Variants in NEDD4 observed in about 807,000 individuals in gnomAD.
NEDD4 encodes NEDD4 E3 ubiquitin protein ligase.
NEDD4 carries 99 observed loss-of-function variants against 144.9 expected under a neutral mutation model. The observed-to-expected ratio is 0.68, with a 90% CI of 0.58 to 0.81. NEDD4 has a LOEUF of 0.81. Ranked by LOEUF, NEDD4 falls within the 30% of genes least tolerant of loss-of-function variation. The probability of loss-of-function intolerance (pLI) is 0.00; values close to 1 mark genes in which losing one functional copy is unlikely to be tolerated. For missense variants in NEDD4, 985 were observed against 1,065.9 expected (o/e 0.92, Z 1.06); for synonymous variants, 318 against 350.6 (o/e 0.91, Z 1.04).
Position 55,946,128 on chromosome 15 carries a change from T to A in NEDD4, c.237+5248A>T, listed in dbSNP as rs565654942. ...GCAAAATAACCAGTGAACATCATAA[T>A]TACAGGATCAAATTCACACATAACA... On this transcript the variant is annotated intron_variant, in intron 4 of 28. Coordinates refer to ENST00000435532, the MANE Select transcript of NEDD4 (RefSeq NM_006154.4). Among the ~76,000 whole-genome samples the A allele has an allele frequency of 2.6e-4, 40 of 152,260 alleles. No individual in the cohort carries two copies. The East Asian group carries it at 7.3e-3, about 28-fold the overall frequency.
rs1566901226 is a variant in NEDD4, at chr15:55,840,024, AT to A, written c.2031+422del. Among the ~76,000 whole-genome samples the A allele has an allele frequency of 5.2e-3, 441 of 84,410 alleles. 15 individuals are homozygous for A. The highest frequency in any genetic ancestry group is 0.015 in the Middle Eastern group (2 of 132). The allele number at this position is 84,410 out of a possible 152,430, so 55.4% of individuals were successfully genotyped here. ...AATATATATATATATATATATATAT[AT>A]ATATATATATATATATAACATTCAT... On this transcript the variant is annotated intron_variant, in intron 21 of 28. Transcript: ENST00000435532.
intron 2 of NEDD4, among the ~76,000 whole-genome samples, chr15:55,961,465 G>GTATTATTATTAT (rs58665877): frequency 0.13 from 18,875 of 150,692 alleles, 1,322 homozygotes; most frequent in East Asian, 0.3. Flanking sequence ...TAAGTTTGTG[G>GTATTATTATTAT]TATTATTATT....
intron 5 of NEDD4, among the ~76,000 whole-genome samples, chr15:55,876,867 TTC>T (rs1257968228): frequency 6.6e-6 from 1 of 152,062 alleles, no homozygotes; most frequent in South Asian, 2.1e-4. Flanking sequence ...CACTTTTTTT[TTC>T]TTTTTTCTTT....
At chr15:55,908,888 G>A (rs2036184056) in intron 5 of NEDD4, among the ~76,000 whole-genome samples, 1 of 151,968 alleles carries the variant, frequency 6.6e-6, no homozygotes, top group African/African-American at 2.4e-5. Flanking sequence ...AAACAATTGA[G>A]ATAAAAAGTA....
At chr15:55,914,200 G>GTTTT (rs71110354) in intron 5 of NEDD4, among the ~76,000 whole-genome samples, 54 of 148,220 alleles carry the variant, frequency 3.6e-4, no homozygotes, top group Non-Finnish European at 4.4e-4. Flanking sequence ...TTATCCAGAA[G>GTTTT]TTTTTTTTTT....
intron 5 of NEDD4, among the ~76,000 whole-genome samples, chr15:55,911,674 C>T (rs1027005237): frequency 2.0e-5 from 3 of 151,922 alleles, no homozygotes; most frequent in South Asian, 2.1e-4. Context: ...GGACTACAGG[C>T]GCGCGCCACC....
chr15:55,953,419 C>T (rs1414180167), intron 2 of NEDD4, among the ~76,000 whole-genome samples: 1 of 151,802 alleles, frequency 6.6e-6, no homozygotes, highest in Non-Finnish European at 1.5e-5. Context: ...CTCCAGAGGC[C>T]ATACTCTTCT....
chr15:55,846,422 T>G (rs1380078066), intron 18 of NEDD4, among the ~76,000 whole-genome samples: 1 of 152,180 alleles, frequency 6.6e-6, no homozygotes, highest in Admixed American at 6.5e-5. Flanking sequence ...GTTCCAAACA[T>G]ATTGCATTTG....
chr15:55,965,946 C>G (rs1023315627), intron 2 of NEDD4, among the ~76,000 whole-genome samples: 1 of 152,150 alleles, frequency 6.6e-6, no homozygotes, highest in African/African-American at 2.4e-5. Flanking sequence ...GCCACCATGC[C>G]TGGCCCTATT....
chr15:55,852,710 TA>T (rs2034038707), intron 12 of NEDD4, among the ~76,000 whole-genome samples, 167 bp from the exon 13 acceptor site: 2 of 146,404 alleles, frequency 1.4e-5, no homozygotes, highest in Admixed American at 6.8e-5. Flanking sequence ...TATATATATA[TA>T]TATATATATA....
chr15:55,938,176 T>A (rs1191608822), intron 4 of NEDD4, among the ~76,000 whole-genome samples: 2 of 152,046 alleles, frequency 1.3e-5, no homozygotes, highest in Non-Finnish European at 2.9e-5. Context: ...CTGGCCAACG[T>A]AGTGAAACCC....
intron 4 of NEDD4, among the ~76,000 whole-genome samples, chr15:55,946,474 G>A (rs1289555325): frequency 1.3e-5 from 2 of 152,162 alleles, no homozygotes; most frequent in African/African-American, 4.8e-5. Context: ...AAATATATAT[G>A]CACCCAATAC....
In NEDD4 at chr15:55,949,283, T is replaced by C. The variant is rs535573129; in HGVS notation, c.237+2093A>G. On this transcript the variant is annotated intron_variant, in intron 4 of 28. Coordinates refer to ENST00000435532, the MANE Select transcript of NEDD4 (RefSeq NM_006154.4). ...CTCACACCAGTTAGAATGGCGAACA[T>C]TAAAAAGTCAGGAAACAACAGGAGC... Among the ~76,000 whole-genome samples the C allele has an allele frequency of 7.0e-3, 1,061 of 152,142 alleles. 14 individuals are homozygous for C. Among genetic ancestry groups the C allele is most frequent in the African/African-American group, 0.025 (1,022 of 41,500 alleles).
At chr15:55,911,376 G>A (rs2036267337) in intron 5 of NEDD4, among the ~76,000 whole-genome samples, 1 of 152,048 alleles carries the variant, frequency 6.6e-6, no homozygotes, top group South Asian at 2.1e-4. Context: ...TCTGCCTGAT[G>A]AACTCCAGTT....
In NEDD4 at chr15:55,925,091, A is replaced by G. The variant is rs150299553; in HGVS notation, c.238-392T>C. Among the ~76,000 whole-genome samples, 27 of 152,288 alleles carry G rather than the reference A, an allele frequency of 1.8e-4. No individual in the cohort carries two copies. In the East Asian group the frequency reaches 5.2e-3, roughly 29 times the overall value. On this transcript the variant is annotated intron_variant, in intron 4 of 28. Transcript: ENST00000435532. Reference sequence around the variant, plus strand: ...TCAAGAAAAACAAAACAAAACAAACAAACAAAAAGAAGTTGCCATTTTCTA... The same window carrying G: ...TCAAGAAAAACAAAACAAAACAAACGAACAAAAAGAAGTTGCCATTTTCTA...
chr15:55,898,252 T>C (rs1484752752), intron 5 of NEDD4, among the ~76,000 whole-genome samples: 2 of 152,234 alleles, frequency 1.3e-5, no homozygotes, highest in Non-Finnish European at 2.9e-5. Flanking sequence ...AGCTCATCAT[T>C]TGGTTGTTAG....
chr15:55,948,668 A>T (rs1376931103), intron 4 of NEDD4, among the ~76,000 whole-genome samples: 3 of 152,218 alleles, frequency 2.0e-5, no homozygotes, highest in African/African-American at 7.2e-5. Flanking sequence ...CAACCATCTG[A>T]TCTTTGACAA....
At chr15:55,968,742 A>G (rs1378197293) in intron 1 of NEDD4, among the ~76,000 whole-genome samples, 1 of 152,188 alleles carries the variant, frequency 6.6e-6, no homozygotes, top group African/African-American at 2.4e-5. Flanking sequence ...AAAGTTCTAA[A>G]ATAAAAACCC....
At chr15:55,956,218 T>A (rs1394599660) in intron 2 of NEDD4, among the ~76,000 whole-genome samples, 1 of 152,178 alleles carries the variant, frequency 6.6e-6, no homozygotes, top group Non-Finnish European at 1.5e-5. Flanking sequence ...GACATTTAGG[T>A]TGTTTCCAGA....
Sources: allele counts gnomAD v4.1 joint callset (sites outside exome capture counted in the v4.1 genomes callset), GRCh38; gene constraint gnomAD v4.1.1; transcripts MANE v1.5; gene names NCBI Gene and HGNC (gene_info 2026-07-23, HGNC 2026-07-21).